Variants in DCAF5 observed in about 807,000 individuals in gnomAD.
DCAF5 encodes DDB1- and CUL4-associated factor 5.
DCAF5 carries 9 observed loss-of-function variants against 80.7 expected under a neutral mutation model. The ratio of observed to expected loss-of-function variants is 0.11; its 90% CI spans 0.07 to 0.19. The LOEUF is 0.19. DCAF5 is among the 10% of genes least tolerant of loss of function. The pLI, the probability that DCAF5 is intolerant of heterozygous loss-of-function variation, is 1.00. For synonymous variants in DCAF5, 433 were observed against 461.9 expected, an observed-to-expected ratio of 0.94 and a Z score of 0.80; for missense variants, 842 against 1,205.7, an observed-to-expected ratio of 0.70 and a Z score of 4.47.
At chr14:69,056,010 T>G (rs2037956698) in intron 8 of DCAF5, among the ~76,000 whole-genome samples, 1 of 152,162 alleles carries the variant, frequency 6.6e-6, no homozygotes, top group South Asian at 2.1e-4. Context: ...TCCCAAGGTG[T>G]TAAAGACTTT....
At chr14:69,090,963 C>T (rs189520050) in intron 6 of DCAF5, 17 of 635,778 alleles carry the variant, frequency 2.7e-5, no homozygotes, top group African/African-American at 1.1e-4. Context: ...TGTCTTTCCT[C>T]GGCTTGGTGA....
chr14:69,116,818 A>C (rs1050519071), intron 4 of DCAF5, among the ~76,000 whole-genome samples: 1 of 152,230 alleles, frequency 6.6e-6, no homozygotes, highest in Admixed American at 6.5e-5. Flanking sequence ...GTAAAACTGA[A>C]TTCCACATGA....
intron 5 of DCAF5, among the ~76,000 whole-genome samples, chr14:69,107,068 T>TAAAA (rs1250542774): frequency 6.6e-6 from 1 of 151,464 alleles, no homozygotes; most frequent in Non-Finnish European, 1.5e-5. Flanking sequence ...ATTAAATAAT[T>TAAAA]AAATAAGAAA....
At chr14:69,103,547 A>G (rs932519165) in intron 5 of DCAF5, among the ~76,000 whole-genome samples, 1 of 152,234 alleles carries the variant, frequency 6.6e-6, no homozygotes, top group East Asian at 1.9e-4. Context: ...CCATAGTACA[A>G]TATCACAACC....
chr14:69,099,876 A>T (rs2039889231), intron 5 of DCAF5, among the ~76,000 whole-genome samples: 1 of 152,166 alleles, frequency 6.6e-6, no homozygotes, highest in Non-Finnish European at 1.5e-5. Flanking sequence ...GAGCCACTGC[A>T]CTGCAGCCTG....
Position 69,113,635 on chromosome 14 carries a change from A to C in DCAF5, c.665+2731T>G, listed in dbSNP as rs186277840. Among the ~76,000 whole-genome samples the C allele has an allele frequency of 1.8e-3, 269 of 152,318 alleles. 1 individual carries two copies. The highest frequency in any genetic ancestry group is 6.2e-3 in the African/African-American group (258 of 41,576). On this transcript the variant is annotated intron_variant, in intron 5 of 8. Transcript: ENST00000341516. ...TTGGGGTTTCTAGGCAGCTGTGCTC[A>C]AGAGACAAATTATCTATTGCAACTC...
intron 1 of DCAF5, 29 bp from the exon 2 acceptor site, chr14:69,122,389 A>C: frequency 6.3e-7 from 1 of 1,590,568 alleles, no homozygotes; most frequent in African/African-American, 1.3e-5. Flanking sequence ...ATCTGTGCTT[A>C]AAACAGCTGA....
chr14:69,061,485 C>A (rs1422742899), intron 8 of DCAF5, among the ~76,000 whole-genome samples: 1 of 152,158 alleles, frequency 6.6e-6, no homozygotes, highest in Non-Finnish European at 1.5e-5. Flanking sequence ...CAGGCTAGGA[C>A]CCACTTTTGC....
chr14:69,077,515 C>G (rs2038946138), intron 6 of DCAF5, among the ~76,000 whole-genome samples: 1 of 152,154 alleles, frequency 6.6e-6, no homozygotes, highest in African/African-American at 2.4e-5. Flanking sequence ...TCCCAAGTAG[C>G]TGGGACTACA....
chr14:69,051,277 ATC>A lies in DCAF5; in HGVS notation c.*2578_*2579del, dbSNP rs749186043. On this transcript the variant is annotated 3_prime_UTR_variant, in exon 9 of 9. Transcript: ENST00000341516. ...TGCCATCTGTCCTGCTATTAAAAAT[ATC>A]TATTATGGAAGAAATTGGGTATTAA... The A allele has an allele frequency of 1.3e-5, 2 of 152,674 alleles. No individual in the cohort carries two copies. The highest frequency in any genetic ancestry group is 6.5e-5 in the Admixed American group (1 of 15,288). 9.5% of individuals were successfully genotyped at this position (152,674 alleles called of 1,614,324 possible).
At chr14:69,059,998 T>C (rs535157254) in intron 8 of DCAF5, among the ~76,000 whole-genome samples, 1 of 152,078 alleles carries the variant, frequency 6.6e-6, no homozygotes, top group South Asian at 2.1e-4. Flanking sequence ...AAACAATAAA[T>C]AGGGAGATTT....
At chr14:69,073,436 G>A (rs1215089842) in intron 7 of DCAF5, among the ~76,000 whole-genome samples, 1 of 152,112 alleles carries the variant, frequency 6.6e-6, no homozygotes, top group African/African-American at 2.4e-5. Context: ...CCCAGTCTGT[G>A]ATACTTCGTT....
intron 7 of DCAF5, among the ~76,000 whole-genome samples, chr14:69,075,137 AT>A (rs2038851482): frequency 1.3e-5 from 2 of 152,198 alleles, no homozygotes; most frequent in Non-Finnish European, 2.9e-5. Flanking sequence ...GGAAAAAAAA[AT>A]CTAAGCATCA....
intron 6 of DCAF5, among the ~76,000 whole-genome samples, chr14:69,086,673 A>G (rs2039336258): frequency 6.6e-6 from 1 of 151,414 alleles, no homozygotes; most frequent in African/African-American, 2.4e-5. Flanking sequence ...TCTCTGGCCT[A>G]GAGAGTACTT....
At chr14:69,116,189 T>G (rs2040539106) in intron 5 of DCAF5, among the ~76,000 whole-genome samples, 177 bp downstream of exon 5, 1 of 152,242 alleles carries the variant, frequency 6.6e-6, no homozygotes, top group Non-Finnish European at 1.5e-5. Context: ...AGTACGGATT[T>G]GTCGCTGTCT....
chr14:69,091,510 T>A (rs753930687), intron 6 of DCAF5, among the ~76,000 whole-genome samples, 164 bp downstream of exon 6: 1 of 152,120 alleles, frequency 6.6e-6, no homozygotes, highest in Admixed American at 6.5e-5. Context: ...ACAGCCTTGA[T>A]AAAGAAACTC....
intron 5 of DCAF5, among the ~76,000 whole-genome samples, chr14:69,111,426 C>A (rs1180627283): frequency 6.6e-6 from 1 of 152,200 alleles, no homozygotes; most frequent in East Asian, 1.9e-4. Flanking sequence ...CGGCTTGCCC[C>A]AGTTTTATTA....
intron 1 of DCAF5, among the ~76,000 whole-genome samples, chr14:69,145,814 A>G (rs943023101): frequency 1.3e-5 from 2 of 152,200 alleles, no homozygotes; most frequent in African/African-American, 2.4e-5. Flanking sequence ...TCAGACTAAA[A>G]TAAGAAAAGC....
In DCAF5 at chr14:69,152,684, G is replaced by C; in HGVS notation, c.214+81C>G. On this transcript the variant is annotated intron_variant, in intron 1 of 8. Coordinates refer to ENST00000341516, the MANE Select transcript of DCAF5 (RefSeq NM_003861.3). This position sits in a 1 kb window ranked among gnomAD's most constrained non-coding sequence, Gnocchi z 4.1. ...GGGAGGGGGTGGGGACAGAGGGCAG[G>C]AGGAGGGTGACGGGGGAGAGCGAGA... 1 of 1,064,932 alleles carries C rather than the reference G, an allele frequency of 9.4e-7. No individual in the cohort carries two copies. Among genetic ancestry groups the C allele is most frequent in the East Asian group, 2.6e-5 (1 of 39,160 alleles). The allele number at this position is 1,064,932 out of a possible 1,614,324, so 66.0% of individuals were successfully genotyped here.
Sources: allele counts gnomAD v4.1 joint callset (sites outside exome capture counted in the v4.1 genomes callset), GRCh38; gene constraint gnomAD v4.1.1; non-coding constraint Gnocchi (gnomAD v3.1); transcripts MANE v1.5; gene names NCBI Gene and HGNC (gene_info 2026-07-23, HGNC 2026-07-21).